Variants in LMO1 observed in about 807,000 individuals in gnomAD.
The protein encoded by LMO1 is LIM domain only 1, also known as rhombotin-1.
In LMO1, 10 loss-of-function variants were observed where a neutral mutation model predicts 18.0. The observed-to-expected ratio is 0.55, with a 90% CI of 0.34 to 0.94. The LOEUF (loss-of-function observed/expected upper bound fraction) is 0.94. Ranked by LOEUF, LMO1 falls within the 40% of genes least tolerant of loss-of-function variation. The probability of loss-of-function intolerance (pLI) is 0.02; values close to 1 mark genes in which losing one functional copy is unlikely to be tolerated. For synonymous variants in LMO1, 77 were observed against 77.9 expected (o/e 0.99, Z 0.06); for missense variants, 183 against 205.7 (o/e 0.89, Z 0.68).
At chr11:8,260,532 G>A (rs1448303194) in intron 1 of LMO1, among the ~76,000 whole-genome samples, 6 of 152,016 alleles carry the variant, frequency 3.9e-5, no homozygotes, top group African/African-American at 9.7e-5. Context: ...TTCACTGCTC[G>A]ACCTAATGGA....
upstream of LMO1, among the ~76,000 whole-genome samples, chr11:8,264,419 G>A (rs183544811): frequency 6.6e-6 from 1 of 152,236 alleles, no homozygotes; most frequent in East Asian, 1.9e-4. Context: ...TAAGGCACTA[G>A]GGATACAGCA....
At chr11:8,249,536 C>G (rs10769887) in intron 1 of LMO1, among the ~76,000 whole-genome samples, 127,877 of 151,900 alleles carry the variant, frequency 0.84, 54,992 homozygotes, top group Non-Finnish European at 0.94. Flanking sequence ...GACACTGATG[C>G]GTGATAGGAT....
chr11:8,229,760 C>T (rs1342317803), intron 2 of LMO1, among the ~76,000 whole-genome samples: 2 of 152,218 alleles, frequency 1.3e-5, no homozygotes, highest in Non-Finnish European at 2.9e-5. Flanking sequence ...TCTTGAAGCT[C>T]CAGCATCAGT....
intron 1 of LMO1, among the ~76,000 whole-genome samples, chr11:8,255,578 G>A (rs1277173475): frequency 1.3e-5 from 2 of 152,128 alleles, no homozygotes; most frequent in Non-Finnish European, 1.5e-5. Flanking sequence ...AAGCCTTCTG[G>A]CTAATGAGGG....
chr11:8,232,596 C>T (rs1291295836), intron 1 of LMO1, among the ~76,000 whole-genome samples: 4 of 152,192 alleles, frequency 2.6e-5, no homozygotes, highest in African/African-American at 4.8e-5. Flanking sequence ...ACTCAAACAC[C>T]GACTGGGAAA....
At chr11:8,228,914 G>T (rs1248252322) in intron 2 of LMO1, among the ~76,000 whole-genome samples, 3 of 152,218 alleles carry the variant, frequency 2.0e-5, no homozygotes, top group African/African-American at 7.2e-5. Context: ...TTGAGACAGG[G>T]TCTTGCTCTG....
At position 8,226,815 on chromosome 11, in the gene LMO1, A is replaced by G; in HGVS notation, c.365+160T>C. 3.7e-6 allele frequency: 5 copies of G among 1,348,632 alleles called. No homozygotes were observed. In the Admixed American group the frequency reaches 1.2e-4, roughly 33 times the overall value. The allele number at this position is 1,348,632 out of a possible 1,614,324, so 83.5% of individuals were successfully genotyped here. On this transcript the variant is annotated intron_variant, in intron 3 of 3. Coordinates refer to ENST00000335790, the MANE Select transcript of LMO1 (RefSeq NM_002315.3). ...GGCTACCGAGCTTACACACACATAA[A>G]ACACATAAAGCACATGCACGCTCAT...
intron 1 of LMO1, among the ~76,000 whole-genome samples, chr11:8,261,542 A>C (rs1847186707): frequency 1.3e-5 from 2 of 152,200 alleles, no homozygotes; most frequent in Non-Finnish European, 2.9e-5. Context: ...ACAGAGCCCG[A>C]GTCTTCTGGA....
chr11:8,251,733 T>TG (rs371129326), intron 1 of LMO1, among the ~76,000 whole-genome samples: 256 of 144,032 alleles, frequency 1.8e-3, no homozygotes, highest in Middle Eastern at 3.6e-3. Context: ...GTGGTGTGTA[T>TG]GGGGGGGGTA....
chr11:8,266,223 C>T (rs896765105), upstream of LMO1, among the ~76,000 whole-genome samples: 6 of 152,210 alleles, frequency 3.9e-5, no homozygotes, highest in African/African-American at 1.2e-4. Context: ...CACAGCAAGT[C>T]TTGGAGGGTT....
chr11:8,224,888 C>T (rs1952506050), intron 3 of LMO1, among the ~76,000 whole-genome samples, 167 bp from the exon 4 acceptor site: 1 of 152,092 alleles, frequency 6.6e-6, no homozygotes, highest in Non-Finnish European at 1.5e-5. Context: ...CCCCACAGCA[C>T]ACCTGGGCAA....
chr11:8,234,417 T>A (rs1164471493), intron 1 of LMO1, among the ~76,000 whole-genome samples: 3 of 151,638 alleles, frequency 2.0e-5, no homozygotes, highest in African/African-American at 7.3e-5. Flanking sequence ...CAGACCCAAG[T>A]CCCCAGCAAC....
At chr11:8,228,127 A>G (rs1245291684) in intron 2 of LMO1, among the ~76,000 whole-genome samples, 1 of 152,238 alleles carries the variant, frequency 6.6e-6, no homozygotes, top group African/African-American at 2.4e-5. Context: ...CTGATGCCCA[A>G]AGGAAGCGCC....
intron 1 of LMO1, among the ~76,000 whole-genome samples, chr11:8,240,814 A>T (rs1270465853): frequency 6.6e-6 from 1 of 152,196 alleles, no homozygotes; most frequent in Non-Finnish European, 1.5e-5. Context: ...CACTCAGATC[A>T]TAGAGAGCTT....
intron 1 of LMO1, among the ~76,000 whole-genome samples, chr11:8,250,592 C>G (rs1172256569): frequency 6.6e-6 from 1 of 152,242 alleles, no homozygotes; most frequent in Non-Finnish European, 1.5e-5. Flanking sequence ...CCACTGCTCC[C>G]TGGAGCCCTG....
intron 1 of LMO1, 129 bp downstream of exon 1, chr11:8,263,209 C>A (rs1288658413): frequency 7.3e-6 from 6 of 823,066 alleles, no homozygotes; most frequent in East Asian, 3.4e-5. Context: ...CGGCCCCCAG[C>A]GCGCCGCCCG....
intron 1 of LMO1, among the ~76,000 whole-genome samples, chr11:8,231,281 C>T (rs533357971): frequency 2.0e-5 from 3 of 152,334 alleles, no homozygotes; most frequent in South Asian, 2.1e-4. Context: ...TACACACAGG[C>T]ACCAAGTACA....
intron 1 of LMO1, among the ~76,000 whole-genome samples, chr11:8,240,412 G>A (rs1846764123): frequency 6.6e-6 from 1 of 152,234 alleles, no homozygotes; most frequent in African/African-American, 2.4e-5. Flanking sequence ...GTTGAGGGAA[G>A]CTGACTCTGG....
chr11:8,255,607 C>G (rs935899410), intron 1 of LMO1, among the ~76,000 whole-genome samples: 3 of 152,162 alleles, frequency 2.0e-5, no homozygotes, highest in Non-Finnish European at 4.4e-5. Context: ...TCTTGTCACG[C>G]CCAGCATCCA....
Sources: allele counts gnomAD v4.1 joint callset (sites outside exome capture counted in the v4.1 genomes callset), GRCh38; gene constraint gnomAD v4.1.1; transcripts MANE v1.5; gene names NCBI Gene and HGNC (gene_info 2026-07-23, HGNC 2026-07-21).